BANP: variants seen among roughly 807,000 people sequenced by gnomAD.
BANP encodes protein BANP.
Under a neutral mutation model 68.1 loss-of-function variants are expected in BANP, and 11 were observed. The ratio of observed to expected loss-of-function variants is 0.16; its 90% CI spans 0.10 to 0.27. The LOEUF is 0.27. Ranked by LOEUF, BANP falls within the 10% of genes least tolerant of loss-of-function variation. BANP has a pLI of 1.00. For missense variants in BANP, 504 were observed against 722.7 expected (o/e 0.70, Z 3.47); for synonymous variants, 329 against 303.2 (o/e 1.09, Z -0.88).
intron 1 of BANP, among the ~76,000 whole-genome samples, chr16:87,967,358 T>TTC (rs1376437720): frequency 6.7e-6 from 1 of 149,636 alleles, no homozygotes; most frequent in Admixed American, 6.7e-5. Flanking sequence ...TCCACCCACC[T>TTC]TCTCCTCCCG....
intron 4 of BANP, among the ~76,000 whole-genome samples, chr16:87,997,140 G>A (rs1351555953): frequency 6.6e-6 from 1 of 152,212 alleles, no homozygotes; most frequent in East Asian, 1.9e-4. Flanking sequence ...AAGATGTTTT[G>A]TAGAAATGGG....
chr16:87,989,536 CAG>C (rs1567677793), intron 4 of BANP, among the ~76,000 whole-genome samples: 1 of 152,216 alleles, frequency 6.6e-6, no homozygotes, highest in African/African-American at 2.4e-5. Flanking sequence ...TGTTGCCCGT[CAG>C]GGGATGCAGG....
chr16:88,037,914 T>A lies in BANP; in HGVS notation c.1273-59T>A, dbSNP rs895896768. On this transcript the variant is annotated intron_variant, in intron 10 of 13. Transcript: ENST00000682872. ...GATGTGTCTTGGCGTGTTTGCCGTGTCTGAGGGTGTCTTGGTGTGTTTCTA... is the reference window on the plus strand; with the variant it reads ...GATGTGTCTTGGCGTGTTTGCCGTGACTGAGGGTGTCTTGGTGTGTTTCTA... 5 of 1,541,062 alleles carry A rather than the reference T, an allele frequency of 3.2e-6. No individual in the cohort carries two copies. The Admixed American group carries it at 6.7e-5, about 21-fold the overall frequency.
In BANP at chr16:88,003,654, T is replaced by G. The variant is rs1283637802; in HGVS notation, c.363-641T>G. 2.5e-6 allele frequency: 1 copy of G among 404,962 alleles called. No individual in the cohort carries two copies. The highest frequency in any genetic ancestry group is 2.8e-5 in the Admixed American group (1 of 35,330). 25.1% of individuals were successfully genotyped at this position (404,962 alleles called of 1,614,324 possible). On this transcript the variant is annotated intron_variant, in intron 4 of 13. Transcript: ENST00000682872. This position sits in a 1 kb window ranked among gnomAD's most constrained non-coding sequence, Gnocchi z 6.1. ...CCAGGGTGGCGCCAGGCTTGCTGGTTTCTGGGCCATGGTCTGTTCTTTTGT... is the reference window on the plus strand; with the variant it reads ...CCAGGGTGGCGCCAGGCTTGCTGGTGTCTGGGCCATGGTCTGTTCTTTTGT...
At chr16:88,015,196 CCTT>C (rs145650518) in intron 6 of BANP, among the ~76,000 whole-genome samples, 6,109 of 145,522 alleles carry the variant, frequency 0.042, 173 homozygotes, top group Non-Finnish European at 0.068. Flanking sequence ...TGCCCGTGCT[CCTT>C]CTGCCCATCC....
At position 88,004,572 on chromosome 16, in the gene BANP, G is replaced by T. The variant is rs1054460658; in HGVS notation, c.479+161G>T. 2.0e-5 allele frequency among the ~76,000 whole-genome samples: 3 copies of T among 152,228 alleles called. No homozygotes were observed. Among genetic ancestry groups the T allele is most frequent in the Non-Finnish European group, 4.4e-5 (3 of 68,046 alleles). ...ACCGCCCCAGCTCTCTGAGGTCGGG[G>T]AGGGCAGGCTGGGCGATGCTGAATG... On this transcript the variant is annotated intron_variant, in intron 5 of 13. Coordinates refer to ENST00000682872, the MANE Select transcript of BANP (RefSeq NM_001386991.1). This position sits in a 1 kb window ranked among gnomAD's most constrained non-coding sequence, Gnocchi z 7.0.
intron 7 of BANP, among the ~76,000 whole-genome samples, chr16:88,019,648 G>GCCA (rs2075535322): frequency 2.6e-5 from 2 of 76,158 alleles, no homozygotes; most frequent in African/African-American, 6.3e-5. Flanking sequence ...AGCGTGCGGG[G>GCCA]GGCGGGGCGT....
At chr16:88,045,506 C>G (rs1338250562) in intron 11 of BANP, among the ~76,000 whole-genome samples, 1 of 152,242 alleles carries the variant, frequency 6.6e-6, no homozygotes, top group African/African-American at 2.4e-5. Flanking sequence ...CAGGAAGGAC[C>G]TTTCTTCCCT....
chr16:87,967,463 A>G (rs1172835086), intron 1 of BANP, among the ~76,000 whole-genome samples: 2 of 150,600 alleles, frequency 1.3e-5, no homozygotes, highest in Non-Finnish European at 3.0e-5. Flanking sequence ...TTGGTTTTTG[A>G]TTTGTTTTTT....
intron 11 of BANP, among the ~76,000 whole-genome samples, chr16:88,052,764 C>T (rs1336289479): frequency 2.0e-5 from 3 of 151,748 alleles, no homozygotes; most frequent in Non-Finnish European, 4.4e-5. Context: ...TTACCATTAC[C>T]ATCTCCATCA....
chr16:87,991,456 C>T (rs1461954288), intron 4 of BANP, among the ~76,000 whole-genome samples: 1 of 152,234 alleles, frequency 6.6e-6, no homozygotes, highest in Non-Finnish European at 1.5e-5. Context: ...CATTGATTGG[C>T]ATCGTATTGA....
rs1191822537 is a variant in BANP, at chr16:88,026,927, A to C, written c.896-556A>C. On this transcript the variant is annotated intron_variant, in intron 7 of 13. Coordinates refer to ENST00000682872, the MANE Select transcript of BANP (RefSeq NM_001386991.1). ...CGGAAGGTGGTCAGTGCTCTGACAA[A>C]ACAAGTGGGAGGAGGGTGGGAGCCC... 2.6e-5 allele frequency among the ~76,000 whole-genome samples: 4 copies of C among 152,266 alleles called. No homozygotes were observed. In the East Asian group the frequency reaches 7.7e-4, roughly 29 times the overall value.
intron 11 of BANP, among the ~76,000 whole-genome samples, chr16:88,056,500 A>G (rs2152850031): frequency 6.7e-6 from 1 of 149,824 alleles, no homozygotes; most frequent in East Asian, 1.9e-4. Context: ...AGATGAAATG[A>G]TGACTGAAAT....
At chr16:87,983,737 A>G (rs1034400547) in intron 3 of BANP, among the ~76,000 whole-genome samples, 4 of 152,058 alleles carry the variant, frequency 2.6e-5, no homozygotes, top group Non-Finnish European at 5.9e-5. Flanking sequence ...GACTAGTTTT[A>G]TGTGTAAATT....
intron 7 of BANP, among the ~76,000 whole-genome samples, chr16:88,023,115 G>A (rs2076324280): frequency 6.6e-6 from 1 of 152,176 alleles, no homozygotes; most frequent in South Asian, 2.1e-4. Flanking sequence ...GCAGGGGTGG[G>A]TGTTTGTCTG....
chr16:87,998,292 G>T (rs1234221331), intron 4 of BANP, among the ~76,000 whole-genome samples: 2 of 152,198 alleles, frequency 1.3e-5, no homozygotes, highest in Non-Finnish European at 2.9e-5. Context: ...GGGTTGTGGG[G>T]GCAGTGAGTG....
Position 88,057,628 on chromosome 16 carries a change from T to C in BANP, c.1312-7639T>C, listed in dbSNP as rs1006220611. Among the ~76,000 whole-genome samples, 4 of 152,156 alleles carry C rather than the reference T, an allele frequency of 2.6e-5. No individual in the cohort carries two copies. The highest frequency in any genetic ancestry group is 5.9e-5 in the Non-Finnish European group (4 of 68,036). On this transcript the variant is annotated intron_variant, in intron 11 of 13. Coordinates refer to ENST00000682872, the MANE Select transcript of BANP (RefSeq NM_001386991.1). The surrounding 1 kb of genome is among the most constrained non-coding windows in gnomAD (Gnocchi z 4.6). ...GTTGTGTAAAATTGGAAGAATGTTC[T>C]TCACACCCTTCATGTTGGCAATGTT...
chr16:88,005,382 A>G (rs984364715), intron 5 of BANP, among the ~76,000 whole-genome samples: 11 of 152,206 alleles, frequency 7.2e-5, no homozygotes, highest in African/African-American at 2.4e-4. Flanking sequence ...GACTTTGCAT[A>G]TAGAGAAATT....
chr16:88,050,218 G>A lies in BANP; in HGVS notation c.1311+12207G>A, dbSNP rs192261474. 4.6e-5 allele frequency among the ~76,000 whole-genome samples: 7 copies of A among 152,350 alleles called. No individual in the cohort carries two copies. The East Asian group carries it at 1.2e-3, about 25-fold the overall frequency. ...GTTGCTCAGGCTGGAGTGCAGTGGT[G>A]TGATCTTGGCTTACTGCAGCCTCTG... On this transcript the variant is annotated intron_variant, in intron 11 of 13. Transcript: ENST00000682872.
Sources: gnomAD v4.1 joint callset for allele counts (sites outside exome capture counted in the v4.1 genomes callset) on GRCh38, gnomAD v4.1.1 for gene constraint, Gnocchi (gnomAD v3.1) non-coding constraint, MANE v1.5 for transcripts, NCBI Gene and HGNC (gene_info 2026-07-23, HGNC 2026-07-21) for gene names.